The following CBR4 variants were observed in gnomAD, a reference collection of about 807,000 sequenced individuals.
CBR4 encodes carbonyl reductase 4.
Under a neutral mutation model 21.0 loss-of-function variants are expected in CBR4, and 22 were observed. The observed-to-expected ratio is 1.05, with a 90% CI of 0.75 to 1.50. The LOEUF is 1.50. Ranked by LOEUF, CBR4 falls within the 40% of genes most tolerant of loss-of-function variation. The pLI is 0.00. For synonymous variants in CBR4, 100 were observed against 104.4 expected (o/e 0.96, Z 0.26); for missense variants, 302 against 286.3 (o/e 1.05, Z -0.40).
At chr4:168,984,175 A>G (rs1378754713), downstream of CBR4, among the ~76,000 whole-genome samples, 1 of 152,202 alleles carries the variant, frequency 6.6e-6, no homozygotes, top group Non-Finnish European at 1.5e-5. Flanking sequence ...CTATGCCCAA[A>G]GGCTCCTAGA....
chr4:168,976,205 C>T (rs1764366633), intron 2 of CBR4, among the ~76,000 whole-genome samples: 2 of 152,222 alleles, frequency 1.3e-5, no homozygotes. Flanking sequence ...GTAGCCCCTT[C>T]CCAATTCTGC....
chr4:168,907,191 C>T (rs1362595550), intron 2 of CBR4, among the ~76,000 whole-genome samples: 1 of 152,176 alleles, frequency 6.6e-6, no homozygotes, highest in African/African-American at 2.4e-5. Flanking sequence ...CTGGCACATA[C>T]TATGCTTTCA....
intron 2 of CBR4, among the ~76,000 whole-genome samples, chr4:168,965,306 G>A (rs916900140): frequency 2.0e-5 from 3 of 152,210 alleles, no homozygotes; most frequent in Middle Eastern, 3.4e-3. Context: ...AATCAATATC[G>A]TGAAAATGGC....
chr4:168,979,640 G>A (rs1207117460), intron 2 of CBR4, among the ~76,000 whole-genome samples: 5 of 152,212 alleles, frequency 3.3e-5, no homozygotes, highest in Admixed American at 2.0e-4. Flanking sequence ...CCAGCATGTC[G>A]CAGCCACCAC....
chr4:169,010,174 CCA>C lies in CBR4; in HGVS notation c.-87_-86del, dbSNP rs2126888268. Reference sequence around the variant, plus strand: ...CTCAGGCTTTTAAACAACCGCGGTTCCAAAAAAAAAAAAAAGAAAAAAAAAGG... The same window carrying C: ...CTCAGGCTTTTAAACAACCGCGGTTCAAAAAAAAAAAAAGAAAAAAAAAGG... On this transcript the variant is annotated 5_prime_UTR_variant, in exon 1 of 5. Transcript: ENST00000306193. 48 of 881,922 alleles carry C rather than the reference CCA, an allele frequency of 5.4e-5. No individual in the cohort carries two copies. In the South Asian group the frequency reaches 5.5e-4, roughly 10 times the overall value. The allele number at this position is 881,922 out of a possible 1,614,324, so 54.6% of individuals were successfully genotyped here.
At chr4:168,926,205 C>A (rs931051658) in intron 2 of CBR4, 1 of 1,505,150 alleles carries the variant, frequency 6.6e-7, no homozygotes, top group Admixed American at 2.2e-5. Flanking sequence ...TACTCTTTTT[C>A]TTTGTAGCCC....
intron 2 of CBR4, among the ~76,000 whole-genome samples, chr4:168,944,952 G>A (rs760088199): frequency 3.9e-4 from 59 of 152,134 alleles, no homozygotes; most frequent in Non-Finnish European, 6.6e-4. Flanking sequence ...GTGACATTTT[G>A]TTTTATTCAT....
In CBR4 at chr4:169,010,146, TC is replaced by T. The variant is rs1476664173; in HGVS notation, c.-58del. The stretch of plus-strand genomic sequence containing the variant: ...AGGGAGTGGGAGCCCCTCTCCAGGT[TC>T]CCTCAGGCTTTTAAACAACCGCGGT... On this transcript the variant is annotated 5_prime_UTR_variant, in exon 1 of 5. Transcript: ENST00000306193. 2.2e-6 allele frequency: 3 copies of T among 1,382,932 alleles called. No homozygotes were observed. The highest frequency in any genetic ancestry group is 5.5e-5 in the East Asian group (2 of 36,228). The allele number at this position is 1,382,932 out of a possible 1,614,324, so 85.7% of individuals were successfully genotyped here.
chr4:168,963,745 A>G (rs180839819), intron 2 of CBR4, among the ~76,000 whole-genome samples: 1 of 152,156 alleles, frequency 6.6e-6, no homozygotes, highest in African/African-American at 2.4e-5. Flanking sequence ...GGTGGGAGGC[A>G]TGAGCCACCG....
At chr4:168,993,972 A>G (rs373906687) in intron 4 of CBR4, among the ~76,000 whole-genome samples, 45 of 152,268 alleles carry the variant, frequency 3.0e-4, no homozygotes, top group Admixed American at 1.0e-3. Context: ...GAGAAAAGTC[A>G]CGTGCTAAGA....
chr4:169,009,196 A>C (rs1731178822), intron 1 of CBR4: 1 of 385,954 alleles, frequency 2.6e-6, no homozygotes, highest in South Asian at 1.9e-5. Context: ...AACAAATAGC[A>C]TCTTCGGATC....
chr4:168,919,324 G>T (rs1760924968), intron 2 of CBR4, among the ~76,000 whole-genome samples: 2 of 152,076 alleles, frequency 1.3e-5, no homozygotes, highest in African/African-American at 4.8e-5. Context: ...AGGAATCCGA[G>T]ACCAGCCTGG....
chr4:168,929,380 T>G (rs1157652658), intron 2 of CBR4, among the ~76,000 whole-genome samples: 1 of 152,240 alleles, frequency 6.6e-6, no homozygotes, highest in African/African-American at 2.4e-5. Flanking sequence ...AATGGAGCTT[T>G]GAGGATACAT....
At chr4:168,961,719 G>A (rs927612107) in intron 2 of CBR4, among the ~76,000 whole-genome samples, 6 of 150,746 alleles carry the variant, frequency 4.0e-5, no homozygotes, top group African/African-American at 1.4e-4. Flanking sequence ...GTGAAACCCC[G>A]TCTCTACTAA....
intron 2 of CBR4, chr4:168,928,353 A>G (rs1318804573): frequency 3.3e-5 from 6 of 181,962 alleles, no homozygotes; most frequent in African/African-American, 9.5e-5. Flanking sequence ...TCAATCAATC[A>G]TACTACTTTG....
At chr4:169,006,474 T>A (rs921001541) in intron 3 of CBR4, among the ~76,000 whole-genome samples, 1 of 152,222 alleles carries the variant, frequency 6.6e-6, no homozygotes, top group Non-Finnish European at 1.5e-5. Context: ...CACCATTCCA[T>A]ATGGGCTCTG....
chr4:168,919,068 G>C (rs1255495082), intron 2 of CBR4, among the ~76,000 whole-genome samples: 1 of 152,058 alleles, frequency 6.6e-6, no homozygotes, highest in Non-Finnish European at 1.5e-5. Flanking sequence ...TACCATACTG[G>C]TTATCTCTAT....
At chr4:168,945,488 G>A (rs1467216499) in intron 2 of CBR4, among the ~76,000 whole-genome samples, 2 of 152,116 alleles carry the variant, frequency 1.3e-5, no homozygotes, top group African/African-American at 4.8e-5. Flanking sequence ...TCTTCAGGGG[G>A]CCTTAGGAAC....
Position 168,911,439 on chromosome 4 carries a change from A to C in CBR4, n.170-16674T>G, listed in dbSNP as rs779614670. On this transcript the variant is annotated intron_variant and non_coding_transcript_variant, in intron 2 of 3. Transcript: ENST00000509108. ...TTTCATCATGGAAGCCGCAAAGCAC[A>C]TAATAAGGAAGCCATATCCCACATC... is the stretch of plus-strand genomic sequence containing the variant. Among the ~76,000 whole-genome samples the C allele has an allele frequency of 2.6e-5, 4 of 152,256 alleles. No individual in the cohort carries two copies. In the East Asian group the frequency reaches 7.7e-4, roughly 29 times the overall value.
Sources: gnomAD v4.1 joint callset for allele counts (sites outside exome capture counted in the v4.1 genomes callset) on GRCh38, gnomAD v4.1.1 for gene constraint, MANE v1.5 for transcripts, NCBI Gene and HGNC (gene_info 2026-07-23, HGNC 2026-07-21) for gene names.